CPEB3: variants seen among roughly 807,000 people sequenced by gnomAD.
CPEB3 encodes cytoplasmic polyadenylation element-binding protein 3.
In CPEB3, 20 loss-of-function variants were observed where a neutral mutation model predicts 67.2. That is an observed-to-expected ratio of 0.30 (90% CI 0.21 to 0.43). The LOEUF (loss-of-function observed/expected upper bound fraction) is 0.43. Among genes scored for constraint, CPEB3 ranks in the 20% least tolerant of loss-of-function variants. The probability of loss-of-function intolerance (pLI) is 1.00; values close to 1 mark genes in which losing one functional copy is unlikely to be tolerated. For missense variants in CPEB3, 746 were observed against 968.6 expected, an observed-to-expected ratio of 0.77 and a Z score of 3.05; for synonymous variants, 376 against 393.1, an observed-to-expected ratio of 0.96 and a Z score of 0.51.
chr10:92,121,254 C>T (rs766622023), intron 6 of CPEB3, among the ~76,000 whole-genome samples: 6 of 151,302 alleles, frequency 4.0e-5, no homozygotes, highest in Admixed American at 1.3e-4. Context: ...GTGATCCATC[C>T]GCCTCGGCCT....
rs1413701488 is a variant in CPEB3, at chr10:92,051,402, CCGTT to C, written c.*806_*809del. Reference sequence around the variant, plus strand: ...AGCTTTCTGAAGTCTATTCTGATCTCCGTTCGGCAGCTGACTCTATCCCTAAAAT... The same window carrying C: ...AGCTTTCTGAAGTCTATTCTGATCTCCGGCAGCTGACTCTATCCCTAAAAT... On this transcript the variant is annotated 3_prime_UTR_variant, in exon 10 of 10. Transcript: ENST00000265997. 6.6e-6 allele frequency: 1 copy of C among 152,570 alleles called. No homozygotes were observed. The highest frequency in any genetic ancestry group is 6.5e-5 in the Admixed American group (1 of 15,278). 9.5% of individuals were successfully genotyped at this position (152,570 alleles called of 1,614,324 possible).
intron 6 of CPEB3, chr10:92,137,109 T>C (rs979420763): frequency 1.7e-5 from 5 of 299,000 alleles, no homozygotes; most frequent in African/African-American, 1.1e-4. Context: ...TGGCCACTTT[T>C]GCCATATCAA....
chr10:92,221,668 T>A (rs1372948220), intron 2 of CPEB3, among the ~76,000 whole-genome samples: 1 of 152,116 alleles, frequency 6.6e-6, no homozygotes, highest in Non-Finnish European at 1.5e-5. Flanking sequence ...AGTAATTAAG[T>A]CATGGAGGCT....
At chr10:92,140,342 T>A (rs1458682987) in intron 6 of CPEB3, among the ~76,000 whole-genome samples, 1 of 152,146 alleles carries the variant, frequency 6.6e-6, no homozygotes, top group Non-Finnish European at 1.5e-5. Context: ...TCTACAACTA[T>A]CTGATCTTAC....
At chr10:92,063,703 G>T (rs1217767213) in intron 9 of CPEB3, among the ~76,000 whole-genome samples, 1 of 151,824 alleles carries the variant, frequency 6.6e-6, no homozygotes, top group African/African-American at 2.4e-5. Context: ...GGCAGAGGTT[G>T]CAGTGAGCCA....
intron 7 of CPEB3, among the ~76,000 whole-genome samples, chr10:92,094,373 C>T (rs1358887697): frequency 6.6e-6 from 1 of 151,972 alleles, no homozygotes; most frequent in Non-Finnish European, 1.5e-5. Context: ...GAGGCCGAGG[C>T]AGGCGGATCA....
In CPEB3 at chr10:92,242,177, G is replaced by A. The variant is rs537723238; in HGVS notation, c.-11-1816C>T. On this transcript the variant is annotated intron_variant, in intron 1 of 9. Coordinates refer to ENST00000265997, the MANE Select transcript of CPEB3 (RefSeq NM_014912.5). Reference sequence around the variant, plus strand: ...AAAGTTTCATACACAAAATAGTGGTGGGCTAAAGGAAATGCTTCGCAGCCA... The same window carrying A: ...AAAGTTTCATACACAAAATAGTGGTAGGCTAAAGGAAATGCTTCGCAGCCA... Among the ~76,000 whole-genome samples, 4 of 152,214 alleles carry A rather than the reference G, an allele frequency of 2.6e-5. No homozygotes were observed. The South Asian group carries it at 8.3e-4, about 32-fold the overall frequency.
intron 4 of CPEB3, among the ~76,000 whole-genome samples, chr10:92,148,569 C>A (rs1231899124): frequency 6.6e-6 from 1 of 152,130 alleles, no homozygotes; most frequent in Non-Finnish European, 1.5e-5. Context: ...CTTTCCCTAA[C>A]CCTATTAAAT....
chr10:92,214,649 AT>A (rs985725009), intron 2 of CPEB3, among the ~76,000 whole-genome samples: 2 of 151,548 alleles, frequency 1.3e-5, no homozygotes, highest in East Asian at 3.9e-4. Context: ...CATCTGGCTA[AT>A]TTTTTTTGTA....
intron 2 of CPEB3, among the ~76,000 whole-genome samples, chr10:92,231,102 G>A (rs901874317): frequency 5.9e-5 from 9 of 152,054 alleles, no homozygotes; most frequent in African/African-American, 1.7e-4. Context: ...ACTTACATTG[G>A]TGAGTCAGCC....
chr10:92,262,263 A>T (rs1043369855), intron 1 of CPEB3, among the ~76,000 whole-genome samples: 1 of 152,204 alleles, frequency 6.6e-6, no homozygotes, highest in Non-Finnish European at 1.5e-5. Flanking sequence ...GATGTGTAAA[A>T]AGAACATGGG....
chr10:92,244,015 CTT>C (rs1393414999), intron 1 of CPEB3, among the ~76,000 whole-genome samples: 1 of 152,136 alleles, frequency 6.6e-6, no homozygotes. Context: ...AAATTCAACT[CTT>C]ATACTAAAAT....
intron 3 of CPEB3, among the ~76,000 whole-genome samples, chr10:92,185,374 G>A (rs1330225970): frequency 6.6e-6 from 1 of 152,136 alleles, no homozygotes; most frequent in African/African-American, 2.4e-5. Flanking sequence ...GGTGAGAGGG[G>A]ATGAAGGGAG....
intron 4 of CPEB3, among the ~76,000 whole-genome samples, chr10:92,170,522 T>C (rs7087501): frequency 0.68 from 103,067 of 152,140 alleles, 36,694 homozygotes; most frequent in African/African-American, 0.9. Flanking sequence ...CCCTCATACT[T>C]GTGACCTGAC....
At chr10:92,197,552 A>G (rs1849301148) in intron 2 of CPEB3, among the ~76,000 whole-genome samples, 1 of 152,190 alleles carries the variant, frequency 6.6e-6, no homozygotes, top group African/African-American at 2.4e-5. Context: ...ACAAGCAAAC[A>G]CACCAAGAAG....
rs1852231828 is a variant in CPEB3 at position 92,050,000 on chromosome 10, C to T, written c.*2212G>A. The T allele has an allele frequency of 6.6e-6, 1 of 152,112 alleles. No homozygotes were observed. The highest frequency in any genetic ancestry group is 6.6e-5 in the Admixed American group (1 of 15,228). The allele number at this position is 152,112 out of a possible 1,614,324, so 9.4% of individuals were successfully genotyped here. A position where few individuals can be genotyped will look rare whatever the true frequency, so the allele number is the denominator to read the frequency against. On this transcript the variant is annotated 3_prime_UTR_variant, in exon 10 of 10. Coordinates refer to ENST00000265997, the MANE Select transcript of CPEB3 (RefSeq NM_014912.5). ...TTACTTAGAAAATATCATTTTCTTT[C>T]CTATATTTCAAAATTGAGGTATTGC...
At chr10:92,060,395 A>G (rs1323365648) in intron 9 of CPEB3, among the ~76,000 whole-genome samples, 1 of 152,128 alleles carries the variant, frequency 6.6e-6, no homozygotes, top group Non-Finnish European at 1.5e-5. Context: ...TAAATCTAAG[A>G]CCTCAAACTA....
chr10:92,227,528 T>TA (rs1564886324), intron 2 of CPEB3, among the ~76,000 whole-genome samples: 3 of 152,198 alleles, frequency 2.0e-5, no homozygotes, highest in Non-Finnish European at 2.9e-5. Flanking sequence ...CCAACCTTCT[T>TA]AACTGTTTAT....
chr10:92,188,193 C>T (rs1458798161), intron 3 of CPEB3, among the ~76,000 whole-genome samples: 1 of 151,508 alleles, frequency 6.6e-6, no homozygotes, highest in East Asian at 1.9e-4. Flanking sequence ...AAGAACCTGT[C>T]TCAAAAAATA....
Sources: allele counts gnomAD v4.1 joint callset (sites outside exome capture counted in the v4.1 genomes callset), GRCh38; gene constraint gnomAD v4.1.1; transcripts MANE v1.5; gene names NCBI Gene and HGNC (gene_info 2026-07-23, HGNC 2026-07-21).